CCDC7: variants seen among roughly 807,000 people sequenced by gnomAD.
CCDC7 encodes the protein coiled-coil domain-containing protein 7.
Under a neutral mutation model 196.9 loss-of-function variants are expected in CCDC7, and 183 were observed. The observed-to-expected ratio is 0.93, with a 90% CI of 0.82 to 1.05. The LOEUF (loss-of-function observed/expected upper bound fraction) is 1.05, where lower values mean the gene tolerates loss of function less well. CCDC7 is among the 50% of genes least tolerant of loss of function. The probability of loss-of-function intolerance (pLI) is 0.00; values close to 1 mark genes in which losing one functional copy is unlikely to be tolerated. For missense variants in CCDC7, 1,540 were observed against 1,482.2 expected, an observed-to-expected ratio of 1.04 and a Z score of -0.64; for synonymous variants, 525 against 484.6, an observed-to-expected ratio of 1.08 and a Z score of -1.10.
chr10:32,665,331 T>C (rs1250550083), intron 21 of CCDC7, among the ~76,000 whole-genome samples: 1 of 152,038 alleles, frequency 6.6e-6, no homozygotes, highest in African/African-American at 2.4e-5. Context: ...TACCATTTAC[T>C]TATTTTTGCT....
At chr10:32,504,184 C>A (rs2044517777) in intron 9 of CCDC7, among the ~76,000 whole-genome samples, 1 of 131,156 alleles carries the variant, frequency 7.6e-6, no homozygotes. Context: ...GTGGCGCGAT[C>A]TTGGCTCACT....
intron 20 of CCDC7, among the ~76,000 whole-genome samples, chr10:32,637,915 G>A (rs183929577): frequency 1.6e-4 from 25 of 152,228 alleles, no homozygotes; most frequent in African/African-American, 6.0e-4. Context: ...TCGAGCAGTG[G>A]TTTGTAGTTC....
intron 18 of CCDC7, among the ~76,000 whole-genome samples, chr10:32,629,202 A>C (rs528537991): frequency 1.2e-4 from 18 of 152,246 alleles, no homozygotes; most frequent in African/African-American, 4.1e-4. Flanking sequence ...ATATATTTAC[A>C]AGTGTTACAT....
At chr10:32,664,533 A>T (rs2072221857) in intron 21 of CCDC7, among the ~76,000 whole-genome samples, 1 of 151,836 alleles carries the variant, frequency 6.6e-6, no homozygotes, top group African/African-American at 2.4e-5. Flanking sequence ...CCAACATTTT[A>T]CTCTCTGTTC....
At chr10:32,666,740 G>C (rs2072841194) in intron 21 of CCDC7, among the ~76,000 whole-genome samples, 1 of 152,030 alleles carries the variant, frequency 6.6e-6, no homozygotes, top group South Asian at 2.1e-4. Context: ...ATTCCATGGT[G>C]TATATGTGCC....
chr10:32,712,658 A>T (rs1231900728), intron 25 of CCDC7, among the ~76,000 whole-genome samples: 2 of 152,196 alleles, frequency 1.3e-5, no homozygotes, highest in African/African-American at 4.8e-5. Context: ...GTTTATTGTA[A>T]CCTATCCTAC....
chr10:32,672,413 G>A (rs2074227824), intron 21 of CCDC7, among the ~76,000 whole-genome samples: 1 of 152,124 alleles, frequency 6.6e-6, no homozygotes, highest in Admixed American at 6.6e-5. Flanking sequence ...TCTGAGGTGT[G>A]GGTGGGTTCA....
At chr10:32,873,950 A>G (rs1344107270) in intron 41 of CCDC7, among the ~76,000 whole-genome samples, 1 of 151,728 alleles carries the variant, frequency 6.6e-6, no homozygotes, top group Non-Finnish European at 1.5e-5. Context: ...GATATTTTAA[A>G]ATGAGAAATA....
intron 9 of CCDC7, among the ~76,000 whole-genome samples, chr10:32,498,618 A>G (rs1412911130): frequency 6.6e-6 from 1 of 152,066 alleles, no homozygotes; most frequent in Non-Finnish European, 1.5e-5. Flanking sequence ...TCTGTAAAGT[A>G]TTTTATTTCT....
At chr10:32,496,279 T>A (rs1429719185) in intron 9 of CCDC7, among the ~76,000 whole-genome samples, 1 of 152,208 alleles carries the variant, frequency 6.6e-6, no homozygotes, top group African/African-American at 2.4e-5. Context: ...TTAAGGAGAT[T>A]TTGGGCTGAG....
intron 28 of CCDC7, among the ~76,000 whole-genome samples, chr10:32,737,094 A>T (rs1237675035): frequency 6.6e-6 from 1 of 152,116 alleles, no homozygotes; most frequent in African/African-American, 2.4e-5. Context: ...TTGCCAAATG[A>T]TGTTTCTTCA....
At chr10:32,827,514 G>A (rs11516740) in intron 32 of CCDC7, among the ~76,000 whole-genome samples, 20,875 of 152,082 alleles carry the variant, frequency 0.14, 1,738 homozygotes, top group East Asian at 0.25. Context: ...TCATGGCATT[G>A]TCTCTGACCA....
chr10:32,746,815 C>A (rs1255419304), intron 28 of CCDC7, among the ~76,000 whole-genome samples: 2 of 152,204 alleles, frequency 1.3e-5, no homozygotes, highest in Non-Finnish European at 2.9e-5. Context: ...TTTCAGCCTC[C>A]CCTCAATGCT....
At chr10:32,696,266 G>C (rs943239389) in intron 24 of CCDC7, among the ~76,000 whole-genome samples, 3 of 152,092 alleles carry the variant, frequency 2.0e-5, no homozygotes, top group Admixed American at 2.0e-4. Context: ...GGATGTTGGT[G>C]GTGGTGGCCT....
chr10:32,444,364 AC>A (rs2030511144), upstream of CCDC7, among the ~76,000 whole-genome samples: 1 of 152,222 alleles, frequency 6.6e-6, no homozygotes, highest in Non-Finnish European at 1.5e-5. Context: ...AACTTTTTAA[AC>A]TTCTTTGCTT....
At chr10:32,528,022 C>T (rs115404360) in intron 11 of CCDC7, among the ~76,000 whole-genome samples, 106 of 152,204 alleles carry the variant, frequency 7.0e-4, no homozygotes, top group African/African-American at 2.4e-3. Flanking sequence ...TCATCATCTA[C>T]CTCCCTGCCT....
chr10:32,483,082 C>T (rs2040297736), intron 8 of CCDC7, among the ~76,000 whole-genome samples: 1 of 152,230 alleles, frequency 6.6e-6, no homozygotes, highest in Non-Finnish European at 1.5e-5. Flanking sequence ...ACACTGCCTT[C>T]CACAATGGTT....
At chr10:32,534,375 TCA>T (rs1367415786) in intron 11 of CCDC7, among the ~76,000 whole-genome samples, 1 of 152,220 alleles carries the variant, frequency 6.6e-6, no homozygotes, top group Non-Finnish European at 1.5e-5. Context: ...TTCCGAGAAC[TCA>T]TGAATTAACA....
chr10:32,717,952 G>T (rs11009052), intron 25 of CCDC7, among the ~76,000 whole-genome samples: 20,755 of 149,802 alleles, frequency 0.14, 1,718 homozygotes, highest in East Asian at 0.25. Context: ...TCTACCAGAG[G>T]TATAATCAGG....
Sources: gnomAD v4.1 joint callset for allele counts (sites outside exome capture counted in the v4.1 genomes callset) on GRCh38, gnomAD v4.1.1 for gene constraint, MANE v1.5 for transcripts, NCBI Gene and HGNC (gene_info 2026-07-23, HGNC 2026-07-21) for gene names.